SOCS2: variants seen among roughly 807,000 people sequenced by gnomAD.
SOCS2 encodes the protein CIS-2.
Under a neutral mutation model 18.6 loss-of-function variants are expected in SOCS2, and 10 were observed. The ratio of observed to expected loss-of-function variants is 0.54; its 90% CI spans 0.33 to 0.91. The LOEUF (loss-of-function observed/expected upper bound fraction) is 0.91, where lower values mean the gene tolerates loss of function less well. Among genes scored for constraint, SOCS2 ranks in the 40% least tolerant of loss-of-function variants. The pLI, the probability that SOCS2 is intolerant of heterozygous loss-of-function variation, is 0.02. For missense variants in SOCS2, 231 were observed against 247.2 expected (o/e 0.93, Z 0.44); for synonymous variants, 104 against 104.0 (o/e 1.00, Z 0.00).
At chr12:93,587,713 A>G (rs1378352207), downstream of SOCS2, among the ~76,000 whole-genome samples, 2 of 151,782 alleles carry the variant, frequency 1.3e-5, no homozygotes, top group Non-Finnish European at 1.5e-5. Context: ...TGGCTAGGCC[A>G]AAGAGCCAGG....
At position 93,572,847 on chromosome 12, in the gene SOCS2, C is replaced by G; in HGVS notation, c.-51C>G. The G allele has an allele frequency of 1.9e-6, 3 of 1,554,994 alleles. No homozygotes were observed. Among genetic ancestry groups the G allele is most frequent in the Non-Finnish European group, 2.6e-6 (3 of 1,148,846 alleles). On this transcript the variant is annotated 5_prime_UTR_variant, in exon 1 of 2. Coordinates refer to ENST00000551556, the MANE Select transcript of SOCS2 (RefSeq NM_001270471.2). This position sits in a 1 kb window ranked among gnomAD's most constrained non-coding sequence, Gnocchi z 5.0. ...TTCAAGGAAGGACGCGAACCCTTCT[C>G]TGACCCCAGCTCGGGCGGCCACCTG...
At chr12:93,577,438 G>T (rs574925549), downstream of SOCS2, among the ~76,000 whole-genome samples, 11 of 151,788 alleles carry the variant, frequency 7.2e-5, no homozygotes, top group South Asian at 1.0e-3. Flanking sequence ...TCCCAAGAAC[G>T]AAATGAGCAA....
chr12:93,575,372 G>T lies in SOCS2; in HGVS notation c.*193G>T. On this transcript the variant is annotated 3_prime_UTR_variant, in exon 2 of 2. Transcript: ENST00000551556. ...AAAGTTCCTCCAGATACTTTTACCT[G>T]AGTGATGCTTCCCTTCCTAAGGCTG... 2.5e-6 allele frequency: 1 copy of T among 400,056 alleles called. No individual in the cohort carries two copies. Among genetic ancestry groups the T allele is most frequent in the Non-Finnish European group, 4.5e-6 (1 of 224,146 alleles). 24.8% of individuals were successfully genotyped at this position (400,056 alleles called of 1,614,324 possible).
At chr12:93,596,590 G>A in the SOCS2 span, among the ~76,000 whole-genome samples, 14 of 152,196 alleles carry the variant, frequency 9.2e-5, no homozygotes, top group African/African-American at 2.9e-4. Context: ...CACTTTGGGA[G>A]GCTGAGGCGG....
chr12:93,571,731 G>C (rs1046085699), upstream of SOCS2: 8 of 296,548 alleles, frequency 2.7e-5, no homozygotes, highest in Non-Finnish European at 5.4e-5. Flanking sequence ...CTCCGAGCGC[G>C]GGGCTGGTTG....
At chr12:93,595,082 C>T in the SOCS2 span, among the ~76,000 whole-genome samples, 5 of 152,084 alleles carry the variant, frequency 3.3e-5, no homozygotes, top group Non-Finnish European at 7.4e-5. Context: ...ATGAAACAAT[C>T]TCTTTTTGTC....
At chr12:93,611,650 C>T in the SOCS2 span, among the ~76,000 whole-genome samples, 8 of 152,164 alleles carry the variant, frequency 5.3e-5, no homozygotes, top group African/African-American at 1.9e-4. Context: ...AATTCTCTTT[C>T]ATTACACTGT....
chr12:93,616,418 C>G, the SOCS2 span, among the ~76,000 whole-genome samples: 1 of 152,220 alleles, frequency 6.6e-6, no homozygotes, highest in African/African-American at 2.4e-5. Flanking sequence ...ACAACCATGC[C>G]TGACCTCTGA....
At chr12:93,614,529 T>TTTC in the SOCS2 span, among the ~76,000 whole-genome samples, 1 of 93,160 alleles carries the variant, frequency 1.1e-5, no homozygotes, top group Admixed American at 1.3e-4. Context: ...CCTTCCTTCC[T>TTTC]TCCTTCCTTC....
the SOCS2 span, among the ~76,000 whole-genome samples, chr12:93,599,812 G>C: frequency 2.0e-5 from 3 of 152,218 alleles, no homozygotes; most frequent in Non-Finnish European, 4.4e-5. Flanking sequence ...TCTACTGTAA[G>C]ATGATGTAGC....
chr12:93,602,799 G>A, the SOCS2 span, among the ~76,000 whole-genome samples: 1 of 152,180 alleles, frequency 6.6e-6, no homozygotes. Flanking sequence ...AATCCACTAA[G>A]ATACTCACCT....
the SOCS2 span, among the ~76,000 whole-genome samples, chr12:93,614,540 CTTCTTTCTTTCTTTCTTTCTTTCTTTCT>C: frequency 2.0e-3 from 74 of 37,134 alleles, 1 homozygote; most frequent in African/African-American, 3.7e-3. Flanking sequence ...TCCTTCCTTC[CTTCTTTCTTTCTTTCTTTCTTTCTTTCT>C]TTCTTTCTTT....
rs373840406 is a variant in SOCS2 at position 93,575,056 on chromosome 12, G to A, written c.474G>A (p.Thr158=). 17 of 1,613,990 alleles carry A rather than the reference G, an allele frequency of 1.1e-5. No homozygotes were observed. Among genetic ancestry groups the A allele is most frequent in the Admixed American group, 1.0e-4 (6 of 59,998 alleles). Reference sequence around the variant, plus strand: ...TTTATCTGACCAAACCGCTCTACACGTCAGCACCATCTCTGCAGCATCTCT... The same window carrying A: ...TTTATCTGACCAAACCGCTCTACACATCAGCACCATCTCTGCAGCATCTCT... The part of the protein sequence containing the change: ...VHLYLTKPLY[T]SAPSLQHLCR... Residue 158 remains threonine (T), a synonymous_variant, in exon 2 of 2, where the codon ACG becomes ACA. Coordinates refer to ENST00000551556, the MANE Select transcript of SOCS2 (RefSeq NM_001270471.2).
chr12:93,609,345 CTG>C, the SOCS2 span, among the ~76,000 whole-genome samples: 3 of 151,880 alleles, frequency 2.0e-5, no homozygotes, highest in African/African-American at 7.3e-5. Flanking sequence ...TGAGCCAAGA[CTG>C]TGCCATCACA....
At chr12:93,623,393 G>T in the SOCS2 span, among the ~76,000 whole-genome samples, 2 of 152,090 alleles carry the variant, frequency 1.3e-5, no homozygotes, top group South Asian at 4.2e-4. Flanking sequence ...TCTCAGGGAA[G>T]TTCTTTTTAT....
chr12:93,580,443 A>C (rs1372235240), downstream of SOCS2, among the ~76,000 whole-genome samples: 13 of 152,022 alleles, frequency 8.6e-5, no homozygotes. Context: ...CAACATGGCG[A>C]AACCACATCT....
chr12:93,613,339 T>C, the SOCS2 span, among the ~76,000 whole-genome samples: 1 of 152,224 alleles, frequency 6.6e-6, no homozygotes, highest in Non-Finnish European at 1.5e-5. Context: ...ATGCTTTATT[T>C]CTGCAGCCCT....
In SOCS2 at chr12:93,572,830, A is replaced by G. The variant is rs149723463; in HGVS notation, c.-68A>G. The G allele has an allele frequency of 4.8e-5, 75 of 1,549,368 alleles. No homozygotes were observed. The African/African-American group carries it at 9.8e-4, about 20-fold the overall frequency. Reference sequence around the variant, plus strand: ...TTGGGATTCGCACTGACTTCAAGGAAGGACGCGAACCCTTCTCTGACCCCA... The same window carrying G: ...TTGGGATTCGCACTGACTTCAAGGAGGGACGCGAACCCTTCTCTGACCCCA... On this transcript the variant is annotated 5_prime_UTR_variant, in exon 1 of 2. Transcript: ENST00000551556. The surrounding 1 kb of genome is among the most constrained non-coding windows in gnomAD (Gnocchi z 5.0).
chr12:93,606,809 C>A, the SOCS2 span, among the ~76,000 whole-genome samples: 1 of 152,146 alleles, frequency 6.6e-6, no homozygotes, highest in African/African-American at 2.4e-5. Context: ...CCCACCACCA[C>A]ACCCAGCTAA....
Sources: gnomAD v4.1 joint callset for allele counts (sites outside exome capture counted in the v4.1 genomes callset) on GRCh38, gnomAD v4.1.1 for gene constraint, Gnocchi (gnomAD v3.1) non-coding constraint, MANE v1.5 for transcripts, NCBI Gene and HGNC (gene_info 2026-07-23, HGNC 2026-07-21) for gene names.